The following ROCK1 variants were observed in gnomAD, a reference collection of about 807,000 sequenced individuals.
The protein encoded by ROCK1 is rho-associated protein kinase 1.
Under a neutral mutation model 196.8 loss-of-function variants are expected in ROCK1, and 36 were observed. That is an observed-to-expected ratio of 0.18 (90% confidence interval 0.14 to 0.24). The LOEUF is 0.24. ROCK1 is among the 10% of genes least tolerant of loss of function. The pLI is 1.00. For missense variants in ROCK1, 920 were observed against 1,562.0 expected (o/e 0.59, Z 6.93); for synonymous variants, 443 against 515.9 (o/e 0.86, Z 1.91).
chr18:20,972,959 A>C (rs531539649), intron 22 of ROCK1, among the ~76,000 whole-genome samples: 32 of 152,288 alleles, frequency 2.1e-4, no homozygotes, highest in African/African-American at 7.7e-4. Flanking sequence ...GGCTCACTGC[A>C]AACTCCGCCT....
At chr18:21,055,439 C>A (rs1348315096) in intron 2 of ROCK1, among the ~76,000 whole-genome samples, 1 of 152,080 alleles carries the variant, frequency 6.6e-6, no homozygotes, top group Non-Finnish European at 1.5e-5. Flanking sequence ...CTGAAACGAA[C>A]GAAACAATCA....
intron 2 of ROCK1, among the ~76,000 whole-genome samples, chr18:21,059,810 A>C (rs1409600808): frequency 6.6e-6 from 1 of 152,240 alleles, no homozygotes; most frequent in Non-Finnish European, 1.5e-5. Context: ...TGATAAGCAG[A>C]TAAACAAAAT....
intron 20 of ROCK1, among the ~76,000 whole-genome samples, chr18:20,983,351 G>A (rs1480951510): frequency 6.7e-6 from 1 of 149,530 alleles, no homozygotes; most frequent in East Asian, 1.9e-4. Context: ...AGGTAAGAAG[G>A]GAAAGCAAGA....
rs370240988 is a variant in ROCK1, at chr18:21,027,621, T to C, written c.1211+1155A>G. ...TGAGGTAAGTAGGCAAGCAGTATTA[T>C]TGTTATTATCATCATCCCTATTTTT... On this transcript the variant is annotated intron_variant, in intron 10 of 32. Transcript: ENST00000399799. Among the ~76,000 whole-genome samples, 8 of 152,264 alleles carry C rather than the reference T, an allele frequency of 5.3e-5. No homozygotes were observed. In the East Asian group the frequency reaches 9.7e-4, roughly 18 times the overall value.
chr18:20,960,003 C>T (rs1598508149), intron 28 of ROCK1, 75 bp from the exon 29 acceptor site: 1 of 1,045,070 alleles, frequency 9.6e-7, no homozygotes, highest in South Asian at 1.3e-5. Flanking sequence ...ATAATATTTG[C>T]CACTAATATC....
At chr18:20,968,982 T>A in intron 24 of ROCK1, 122 bp from the exon 25 acceptor site, 1 of 891,454 alleles carries the variant, frequency 1.1e-6, no homozygotes, top group Non-Finnish European at 1.7e-6. Context: ...AGTAACTTCA[T>A]TAAGATAATT....
intron 1 of ROCK1, among the ~76,000 whole-genome samples, chr18:21,081,027 A>G (rs373538387): frequency 6.6e-6 from 1 of 152,064 alleles, no homozygotes; most frequent in African/African-American, 2.4e-5. Context: ...ACAGATTATA[A>G]AGAGAGAGAG....
At position 21,070,560 on chromosome 18, in the gene ROCK1, G is replaced by GT; in HGVS notation, c.146dup (p.Asn49LysfsTer5). ...TGCTTAAAAAGTTGTCAATATTTTTGTTTTTTCTTAAGGCAGGAAAATCCA... is the reference window on the plus strand; with the variant it reads ...TGCTTAAAAAGTTGTCAATATTTTTGTTTTTTTCTTAAGGCAGGAAAATCCA... On this transcript the variant is annotated frameshift_variant, in exon 2 of 33. Transcript: ENST00000399799. LOFTEE classifies it high-confidence loss of function. 1 of 1,602,564 alleles carries GT rather than the reference G, an allele frequency of 6.2e-7. No individual in the cohort carries two copies. The highest frequency in any genetic ancestry group is 8.5e-7 in the Non-Finnish European group (1 of 1,172,894).
intron 8 of ROCK1, 115 bp downstream of exon 8, chr18:21,041,982 C>T: frequency 1.1e-6 from 1 of 948,668 alleles, no homozygotes; most frequent in Non-Finnish European, 1.6e-6. Flanking sequence ...TCAGGTTTCA[C>T]TGTCATTTAT....
At chr18:21,082,583 C>T (rs1189951876) in intron 1 of ROCK1, among the ~76,000 whole-genome samples, 1 of 152,134 alleles carries the variant, frequency 6.6e-6, no homozygotes, top group Non-Finnish European at 1.5e-5. Context: ...ACAAAAACCA[C>T]ATCACCTCAT....
intron 2 of ROCK1, among the ~76,000 whole-genome samples, chr18:21,069,902 T>G (rs563856423): frequency 6.6e-6 from 1 of 152,066 alleles, no homozygotes; most frequent in African/African-American, 2.4e-5. Context: ...AATTAAAAAA[T>G]TCTAATACAA....
intron 10 of ROCK1, among the ~76,000 whole-genome samples, chr18:21,024,387 T>C (rs760632643): frequency 1.3e-5 from 2 of 152,194 alleles, no homozygotes; most frequent in African/African-American, 2.4e-5. Flanking sequence ...ATAGATCATA[T>C]ATGTAAACAA....
intron 4 of ROCK1, among the ~76,000 whole-genome samples, chr18:21,045,973 T>C (rs1207311977): frequency 3.0e-5 from 4 of 132,670 alleles, no homozygotes; most frequent in Non-Finnish European, 4.6e-5. Context: ...TGCAGTGGCG[T>C]GATGTCGGCT....
intron 16 of ROCK1, 32 bp downstream of exon 16, chr18:21,006,319 G>T: frequency 1.3e-6 from 2 of 1,524,810 alleles, no homozygotes; most frequent in African/African-American, 1.4e-5. Context: ...TTCATGTTAC[G>T]TATATTTTAC....
intron 1 of ROCK1, among the ~76,000 whole-genome samples, chr18:21,079,237 T>C (rs1359758276): frequency 6.6e-6 from 1 of 152,180 alleles, no homozygotes; most frequent in Non-Finnish European, 1.5e-5. Flanking sequence ...GGAGTGAAGT[T>C]TTCACCTCTT....
At chr18:21,041,266 T>A in intron 8 of ROCK1, among the ~76,000 whole-genome samples, 1 of 135,888 alleles carries the variant, frequency 7.4e-6, no homozygotes, top group Non-Finnish European at 1.5e-5. Flanking sequence ...ACCCTGTCTC[T>A]ATTTAAAAAA....
chr18:21,031,367 G>A (rs2143483380), intron 9 of ROCK1, among the ~76,000 whole-genome samples: 1 of 152,174 alleles, frequency 6.6e-6, no homozygotes, highest in Non-Finnish European at 1.5e-5. Flanking sequence ...CACTTTGGGA[G>A]GCTGAGGCAG....
chr18:21,104,982 T>G (rs2036691681), intron 1 of ROCK1, among the ~76,000 whole-genome samples: 1 of 152,176 alleles, frequency 6.6e-6, no homozygotes. Context: ...GCCAGATAAA[T>G]TACTCTGTAC....
intron 1 of ROCK1, among the ~76,000 whole-genome samples, chr18:21,108,296 T>C (rs956436025): frequency 2.6e-5 from 4 of 152,190 alleles, no homozygotes; most frequent in Non-Finnish European, 5.9e-5. Context: ...CCTTGATGGC[T>C]TACCTCCTCC....
Sources: allele counts gnomAD v4.1 joint callset (sites outside exome capture counted in the v4.1 genomes callset), GRCh38; gene constraint gnomAD v4.1.1; transcripts MANE v1.5; gene names NCBI Gene and HGNC (gene_info 2026-07-23, HGNC 2026-07-21).